The following SESN1 variants were observed in gnomAD, a reference collection of about 807,000 sequenced individuals.
The protein encoded by SESN1 is sestrin-1.
SESN1 carries 30 observed loss-of-function variants against 59.3 expected under a neutral mutation model. The observed-to-expected ratio is 0.51, with a 90% CI of 0.38 to 0.69. The LOEUF (loss-of-function observed/expected upper bound fraction) is 0.69. SESN1 is among the 30% of genes least tolerant of loss of function. The probability of loss-of-function intolerance (pLI) is 0.00; values close to 1 mark genes in which losing one functional copy is unlikely to be tolerated. For synonymous variants in SESN1, 197 were observed against 219.9 expected, an observed-to-expected ratio of 0.90 and a Z score of 0.92; for missense variants, 566 against 673.0, an observed-to-expected ratio of 0.84 and a Z score of 1.76.
intron 1 of SESN1, among the ~76,000 whole-genome samples, chr6:109,074,913 A>G (rs1302352251): frequency 1.3e-5 from 2 of 152,252 alleles, no homozygotes; most frequent in Non-Finnish European, 2.9e-5. Context: ...TTGCATAGGA[A>G]TAATGGTTGA....
At chr6:109,039,094 AGGAG>A (rs1023911556) in intron 1 of SESN1, among the ~76,000 whole-genome samples, 1 of 149,330 alleles carries the variant, frequency 6.7e-6, no homozygotes, top group African/African-American at 2.5e-5. Flanking sequence ...GAAAAGGAGA[AGGAG>A]GGAGGAGAAG....
chr6:109,024,288 G>A lies in SESN1; in HGVS notation c.280-21945C>T, dbSNP rs143773569. Among the ~76,000 whole-genome samples the A allele has an allele frequency of 8.7e-3, 1,324 of 151,976 alleles. 24 individuals carry two copies. Among genetic ancestry groups the A allele is most frequent in the African/African-American group, 0.03 (1,255 of 41,444 alleles). ...TTCTAAGTCCATAGTAACTTATTAG[G>A]GCATAGGGACTACCATTAAACTGAT... On this transcript the variant is annotated intron_variant, in intron 1 of 9. Transcript: ENST00000436639.
intron 1 of SESN1, among the ~76,000 whole-genome samples, chr6:109,077,540 A>G (rs1781051033): frequency 6.6e-6 from 1 of 152,220 alleles, no homozygotes; most frequent in African/African-American, 2.4e-5. Context: ...AACCCCAAAT[A>G]TAAAAAGACA....
At chr6:109,082,119 G>C (rs185175388) in intron 1 of SESN1, among the ~76,000 whole-genome samples, 175 of 152,320 alleles carry the variant, frequency 1.1e-3, no homozygotes, top group Non-Finnish European at 2.2e-3. Context: ...GACTAACTCA[G>C]TGTAAGGGAA....
At position 108,986,398 on chromosome 6, in the gene SESN1, T is replaced by C. The variant is rs1002894007; in HGVS notation, c.*1146A>G. The C allele has an allele frequency of 2.6e-5, 4 of 152,622 alleles. No individual in the cohort carries two copies. Among genetic ancestry groups the C allele is most frequent in the African/African-American group, 9.7e-5 (4 of 41,440 alleles). The allele number at this position is 152,622 out of a possible 1,614,324, so 9.5% of individuals were successfully genotyped here. ...GATAGAAACTCAAAATTATTACTAA[T>C]AGTGAAGTCATGATTTTTTAAGAGA... On this transcript the variant is annotated 3_prime_UTR_variant, in exon 10 of 10. Transcript: ENST00000436639.
chr6:109,025,633 T>A (rs1460810763), intron 1 of SESN1, among the ~76,000 whole-genome samples: 1 of 150,946 alleles, frequency 6.6e-6, no homozygotes, highest in Non-Finnish European at 1.5e-5. Context: ...CAGGAAACTA[T>A]CAAAAAATAA....
At chr6:109,085,515 TCACACA>T (rs59793015) in intron 1 of SESN1, among the ~76,000 whole-genome samples, 26 of 148,406 alleles carry the variant, frequency 1.8e-4, no homozygotes, top group Middle Eastern at 3.2e-3. Flanking sequence ...TGACACTCCG[TCACACA>T]CACACACACA....
At chr6:109,032,570 A>G (rs1172025269) in intron 1 of SESN1, among the ~76,000 whole-genome samples, 1 of 149,270 alleles carries the variant, frequency 6.7e-6, no homozygotes, top group Admixed American at 6.6e-5. Flanking sequence ...ATGAGCCGAG[A>G]TTGGGCCATT....
intron 1 of SESN1, among the ~76,000 whole-genome samples, chr6:109,034,080 C>G (rs1307014819): frequency 2.0e-5 from 3 of 152,170 alleles, no homozygotes; most frequent in African/African-American, 7.2e-5. Flanking sequence ...GTGGTTAATA[C>G]TAAGTGGTCA....
At chr6:109,074,503 T>C (rs1447072741) in intron 1 of SESN1, among the ~76,000 whole-genome samples, 1 of 152,216 alleles carries the variant, frequency 6.6e-6, no homozygotes, top group Non-Finnish European at 1.5e-5. Context: ...TAAATTGCTA[T>C]AAATTATGTA....
intron 1 of SESN1, among the ~76,000 whole-genome samples, chr6:109,048,852 A>G (rs1389606646): frequency 1.3e-5 from 2 of 152,184 alleles, no homozygotes; most frequent in African/African-American, 2.4e-5. Flanking sequence ...ATGGCCATAT[A>G]TCACAGGCTG....
chr6:108,998,577 C>G lies in SESN1; in HGVS notation c.908G>C (p.Cys303Ser). The G allele has an allele frequency of 4.3e-6, 7 of 1,613,924 alleles. No homozygotes were observed. Among genetic ancestry groups the G allele is most frequent in the Non-Finnish European group, 5.9e-6 (7 of 1,179,812 alleles). Residue 303 changes from cysteine to serine, a missense_variant, in exon 5 of 10, where the codon TGT becomes TCT. Cys to Ser is a moderately radical substitution (Grantham distance 112, BLOSUM62 -1). Transcript: ENST00000436639. ...RPPSVSNYCI[C>S]DITNGNHSVD... ...ACTGTGATTGCCATTTGTAATGTCA[C>G]AGATGCAGTAGTTGCTAACAGAAGG... is the stretch of plus-strand genomic sequence containing the variant.
intron 1 of SESN1, among the ~76,000 whole-genome samples, chr6:109,012,905 G>A (rs967375916): frequency 9.9e-5 from 15 of 152,056 alleles, no homozygotes; most frequent in Non-Finnish European, 4.4e-5. Context: ...CACAAGGTCA[G>A]GAGCTCGAAA....
chr6:109,059,960 C>A (rs925360283), intron 1 of SESN1, among the ~76,000 whole-genome samples: 10 of 152,174 alleles, frequency 6.6e-5, no homozygotes, highest in African/African-American at 2.4e-4. Flanking sequence ...AACACAGGGA[C>A]TTCCCCTTTG....
chr6:109,052,074 T>C (rs1780550566), intron 1 of SESN1, among the ~76,000 whole-genome samples: 1 of 152,190 alleles, frequency 6.6e-6, no homozygotes, highest in Non-Finnish European at 1.5e-5. Flanking sequence ...CCATTACTTT[T>C]AATAAGACAG....
intron 5 of SESN1, among the ~76,000 whole-genome samples, chr6:108,997,272 CT>C (rs1422134824): frequency 6.6e-6 from 1 of 152,148 alleles, no homozygotes; most frequent in Admixed American, 6.5e-5. Context: ...CAATCAAGTA[CT>C]TTTTTCTTTA....
intron 1 of SESN1, among the ~76,000 whole-genome samples, chr6:109,051,910 G>A (rs533482721): frequency 2.6e-5 from 4 of 152,162 alleles, no homozygotes; most frequent in Admixed American, 6.5e-5. Context: ...TAATTCCACT[G>A]ATGAAGGAGC....
chr6:109,000,553 A>C lies in SESN1; in HGVS notation c.667T>G (p.Leu223Val). 6.2e-7 allele frequency: 1 copy of C among 1,611,414 alleles called. No homozygotes were observed. Among genetic ancestry groups the C allele is most frequent in the Non-Finnish European group, 8.5e-7 (1 of 1,178,556 alleles). ...LENAPQKLQN[L>V]GELNKVLAHR... ...GCTAACACTTTGTTAAGTTCTCCTA[A>C]ATTCTGTAGTTTTTGAGGAGCATTC... The change falls in exon 4 of 10, where the codon TTA (leucine) becomes GTA (valine). Residue 223 changes from leucine (L) to valine (V), a missense_variant. By Grantham distance (32) the Leu-to-Val change is conservative. Coordinates refer to ENST00000436639, the MANE Select transcript of SESN1 (RefSeq NM_014454.3).
rs191208698 is a variant in SESN1 at position 109,001,177 on chromosome 6, A to G, written c.546+111T>C. The G allele has an allele frequency of 7.2e-3, 6,407 of 894,492 alleles. 32 individuals are homozygous for G. Among genetic ancestry groups the G allele is most frequent in the Non-Finnish European group, 8.8e-3 (5,225 of 591,758 alleles). The allele number at this position is 894,492 out of a possible 1,614,324, so 55.4% of individuals were successfully genotyped here. ...AAACAGAGACTGTGCAACAGGAATCATATTATATATCATAATCTAAGTATT... is the reference window on the plus strand; with the variant it reads ...AAACAGAGACTGTGCAACAGGAATCGTATTATATATCATAATCTAAGTATT... On this transcript the variant is annotated intron_variant, in intron 3 of 9. Transcript: ENST00000436639.
Sources: allele counts gnomAD v4.1 joint callset (sites outside exome capture counted in the v4.1 genomes callset), GRCh38; gene constraint gnomAD v4.1.1; transcripts MANE v1.5; gene names NCBI Gene and HGNC (gene_info 2026-07-23, HGNC 2026-07-21).